The following IRAG1 variants were observed in gnomAD, a reference collection of about 807,000 sequenced individuals.
IRAG1 encodes inositol 1,4,5-triphosphate receptor associated 1.
IRAG1 carries 62 observed loss-of-function variants against 106.2 expected under a neutral mutation model. That is an observed-to-expected ratio of 0.58 (90% CI 0.48 to 0.72). The LOEUF is 0.72. Ranked by LOEUF, IRAG1 falls within the 30% of genes least tolerant of loss-of-function variation. The pLI, the probability that IRAG1 is intolerant of heterozygous loss-of-function variation, is 0.00. For synonymous variants in IRAG1, 462 were observed against 443.9 expected (o/e 1.04, Z -0.51); for missense variants, 1,064 against 1,140.7 (o/e 0.93, Z 0.97).
intron 1 of IRAG1, among the ~76,000 whole-genome samples, chr11:10,658,983 C>A (rs1214350166): frequency 6.7e-6 from 1 of 148,454 alleles, no homozygotes; most frequent in Non-Finnish European, 1.5e-5. Flanking sequence ...GCTGTGGCTG[C>A]CCAACGTCTG....
intron 1 of IRAG1, among the ~76,000 whole-genome samples, chr11:10,685,744 T>C (rs1447012649): frequency 1.6e-5 from 2 of 125,042 alleles, no homozygotes; most frequent in Admixed American, 8.2e-5. Context: ...AAAAAAAAAA[T>C]TGTATACTTC....
intron 18 of IRAG1, among the ~76,000 whole-genome samples, chr11:10,589,324 A>T (rs1294818766): frequency 6.6e-6 from 1 of 152,218 alleles, no homozygotes; most frequent in East Asian, 1.9e-4. Context: ...GTTAGAATTG[A>T]CTGTATTTGT....
intron 1 of IRAG1, among the ~76,000 whole-genome samples, chr11:10,685,695 C>T (rs1341792284): frequency 6.7e-6 from 1 of 150,294 alleles, no homozygotes; most frequent in Admixed American, 6.7e-5. Context: ...GCACTCCAGC[C>T]CAGGGGTCAG....
rs200344926 is a variant in IRAG1, at chr11:10,652,025, T to C, written c.225A>G (p.Gln75=). The stretch of plus-strand genomic sequence containing the variant: ...CTGAGGGCAGGGAGGGGGCACTTAC[T>C]TGGCCGGCAGGGCTCTGGGCTGCCT... ...EPQAAQSPAG[Q]GPPAAGVSCS... Residue 75 remains glutamine, a splice_region_variant and synonymous_variant, in exon 2 of 21, where the codon CAA becomes CAG. Coordinates refer to ENST00000423302, the MANE Select transcript of IRAG1 (RefSeq NM_130385.4). The C allele has an allele frequency of 1.8e-4, 288 of 1,566,188 alleles. No homozygotes were observed. The highest frequency in any genetic ancestry group is 6.8e-5 in the Non-Finnish European group (79 of 1,156,910).
intron 2 of IRAG1, among the ~76,000 whole-genome samples, chr11:10,638,676 T>C (rs1198078530): frequency 1.3e-5 from 2 of 152,200 alleles, no homozygotes; most frequent in African/African-American, 4.8e-5. Flanking sequence ...AAATATCATT[T>C]TTTACATGCA....
intron 2 of IRAG1, among the ~76,000 whole-genome samples, chr11:10,649,989 C>T (rs1179406446): frequency 6.6e-6 from 1 of 152,128 alleles, no homozygotes; most frequent in Non-Finnish European, 1.5e-5. Flanking sequence ...ATTATTGGGG[C>T]CCAGCAGAAG....
At chr11:10,616,944 C>G in intron 10 of IRAG1, 1 of 777,702 alleles carries the variant, frequency 1.3e-6, no homozygotes, top group Non-Finnish European at 1.6e-6. Flanking sequence ...ATGTCAGGGA[C>G]TTGGAAAAAT....
chr11:10,628,781 T>C lies in IRAG1; in HGVS notation c.622A>G (p.Ser208Gly), dbSNP rs1225039727. 6.4e-7 allele frequency: 1 copy of C among 1,560,218 alleles called. No individual in the cohort carries two copies. Among genetic ancestry groups the C allele is most frequent in the Non-Finnish European group, 8.6e-7 (1 of 1,157,904 alleles). The change falls in exon 6 of 21, where the codon AGC becomes GGC. Residue 208 changes from serine to glycine, a missense_variant. By Grantham distance (56) the Ser-to-Gly change is moderately conservative. Transcript: ENST00000423302. This position sits in a 1 kb window ranked among gnomAD's most constrained non-coding sequence, Gnocchi z 4.1. The stretch of plus-strand genomic sequence containing the variant: ...GGGGTGGGGACTGTAAGTGAGTTGC[T>C]CCGAGAGGATGTAGGAGAAGCGCTG... ...SPSASPTSSR[S>G]NSLTVPTPPG...
intron 20 of IRAG1, among the ~76,000 whole-genome samples, chr11:10,578,085 G>A (rs1021161136): frequency 6.6e-6 from 1 of 152,206 alleles, no homozygotes; most frequent in African/African-American, 2.4e-5. Flanking sequence ...TCTTAAGTGT[G>A]GCTCTGGAGG....
intron 1 of IRAG1, among the ~76,000 whole-genome samples, chr11:10,673,743 G>A (rs1290564049): frequency 6.6e-6 from 1 of 151,544 alleles, no homozygotes; most frequent in Non-Finnish European, 1.5e-5. Flanking sequence ...TTAGTGCCTT[G>A]TGACCTCTCT....
Position 10,693,574 on chromosome 11 carries a change from C to A in IRAG1, c.29G>T (p.Arg10Met). 6.5e-7 allele frequency: 1 copy of A among 1,535,542 alleles called. No individual in the cohort carries two copies. The highest frequency in any genetic ancestry group is 2.0e-5 in the Admixed American group (1 of 51,008). ...ATTCTCCTTTCCTCCTCTGGCCAGCCTCTCTTCACTCTGGGGAGCTTTTAC... is the reference window on the plus strand; with the variant it reads ...ATTCTCCTTTCCTCCTCTGGCCAGCATCTCTTCACTCTGGGGAGCTTTTAC... MVKAPQSEE[R>M]LARGGKENNS... Residue 10 changes from arginine to methionine, a missense_variant, in exon 1 of 21, where the codon AGG becomes ATG. By Grantham distance (91) the Arg-to-Met change is moderately conservative (BLOSUM62 -1). Coordinates refer to ENST00000423302, the MANE Select transcript of IRAG1 (RefSeq NM_130385.4).
chr11:10,593,598 T>G lies in IRAG1; in HGVS notation c.2069A>C (p.Asn690Thr), dbSNP rs768050470. Residue 690 changes from asparagine to threonine, a missense_variant and splice_region_variant, in exon 17 of 21, where the codon AAT (asparagine) becomes ACT (threonine). By Grantham distance (65) the Asn-to-Thr change is moderately conservative. Coordinates refer to ENST00000423302, the MANE Select transcript of IRAG1 (RefSeq NM_130385.4). ...ARSMSLTLGKNMPRRRVSVAV... is the reference protein window; with the variant it reads ...ARSMSLTLGKTMPRRRVSVAV... ...AACGCTGACCCTCCGGCGAGGCATA[T>G]TCTGCAGGAAGAGAAGTGACCAGGC... The G allele has an allele frequency of 5.6e-6, 9 of 1,612,576 alleles. No homozygotes were observed. Among genetic ancestry groups the G allele is most frequent in the Non-Finnish European group, 7.6e-6 (9 of 1,178,726 alleles).
At chr11:10,652,225 C>T (rs1318579591) in intron 1 of IRAG1, 43 bp from the exon 2 acceptor site, 1 of 1,602,224 alleles carries the variant, frequency 6.2e-7, no homozygotes, top group African/African-American at 1.3e-5. Flanking sequence ...ATTCCCATCC[C>T]TGTCCCAAGC....
Position 10,576,252 on chromosome 11 carries a change from C to G in IRAG1, c.*80G>C. 6.3e-7 allele frequency: 1 copy of G among 1,582,204 alleles called. No individual in the cohort carries two copies. On this transcript the variant is annotated 3_prime_UTR_variant, in exon 21 of 21. Transcript: ENST00000423302. The stretch of plus-strand genomic sequence containing the variant: ...TGGGATGGGCGGCAGTGTGTCCACA[C>G]TTGGGCCTGACGTTATACTTGGGGA...
At chr11:10,652,455 T>G in intron 1 of IRAG1, 2 of 756,720 alleles carry the variant, frequency 2.6e-6, no homozygotes, top group Non-Finnish European at 2.0e-6. Flanking sequence ...TGCTTCGAAC[T>G]CCTCAAAGCT....
intron 1 of IRAG1, among the ~76,000 whole-genome samples, chr11:10,681,239 A>G (rs954927753): frequency 1.3e-5 from 2 of 152,210 alleles, no homozygotes; most frequent in Admixed American, 1.3e-4. Context: ...CTGGCCCTGT[A>G]GTGTGAGGGC....
chr11:10,624,317 C>G (rs1431522757), intron 9 of IRAG1, among the ~76,000 whole-genome samples: 1 of 152,148 alleles, frequency 6.6e-6, no homozygotes, highest in East Asian at 1.9e-4. Flanking sequence ...AGTGACTGCT[C>G]ACTTCCAGGA....
intron 20 of IRAG1, among the ~76,000 whole-genome samples, chr11:10,578,439 T>G (rs1276206195): frequency 6.6e-6 from 1 of 152,246 alleles, no homozygotes; most frequent in Non-Finnish European, 1.5e-5. Context: ...AAGAGAGCAA[T>G]ATTTGTAACA....
intron 1 of IRAG1, among the ~76,000 whole-genome samples, chr11:10,673,266 G>A (rs1049892069): frequency 6.6e-5 from 10 of 151,956 alleles, no homozygotes; most frequent in Non-Finnish European, 8.8e-5. Flanking sequence ...CCTGGGTGAC[G>A]GAGTGAAACT....
Sources: gnomAD v4.1 joint callset for allele counts (sites outside exome capture counted in the v4.1 genomes callset) on GRCh38, gnomAD v4.1.1 for gene constraint, Gnocchi (gnomAD v3.1) non-coding constraint, MANE v1.5 for transcripts, NCBI Gene and HGNC (gene_info 2026-07-23, HGNC 2026-07-21) for gene names.